Variants in LCN2 observed in about 807,000 individuals in gnomAD.
LCN2 encodes the protein neutrophil gelatinase-associated lipocalin.
LCN2 carries 27 observed loss-of-function variants against 26.4 expected under a neutral mutation model. The observed-to-expected ratio is 1.02, with a 90% CI of 0.76 to 1.41. The LOEUF (loss-of-function observed/expected upper bound fraction) is 1.41. LCN2 is among the 40% of genes most tolerant of loss of function. The pLI, the probability that LCN2 is intolerant of heterozygous loss-of-function variation, is 0.00. For synonymous variants in LCN2, 94 were observed against 98.9 expected (o/e 0.95, Z 0.30); for missense variants, 224 against 237.6 (o/e 0.94, Z 0.38).
chr9:128,152,439 C>T, intron 5 of LCN2, 155 bp downstream of exon 5: 4 of 662,958 alleles, frequency 6.0e-6, no homozygotes, highest in Non-Finnish European at 1.0e-5. Context: ...ACTCTGGGCC[C>T]AGGAAGACTG....
In LCN2 at chr9:128,153,453, G is replaced by C. The variant is rs1829161165; in HGVS notation, c.*150G>C. On this transcript the variant is annotated 3_prime_UTR_variant, in exon 7 of 7. Transcript: ENST00000277480. The surrounding 1 kb of genome is among the most constrained non-coding windows in gnomAD (Gnocchi z 5.4). ...CTGCTAAATAAACATGTGCCCTCAG[G>C]CCTCTGAGTCTACACTGTTTGACCC... 4.4e-6 allele frequency: 2 copies of C among 457,566 alleles called. No homozygotes were observed. The highest frequency in any genetic ancestry group is 6.9e-5 in the Admixed American group (2 of 29,150). 28.3% of individuals were successfully genotyped at this position (457,566 alleles called of 1,614,324 possible). A position where few individuals can be genotyped will look rare whatever the true frequency, so the allele number is the denominator to read the frequency against.
chr9:128,153,222 C>T lies in LCN2; in HGVS notation c.*8-89C>T. 1 of 1,412,798 alleles carries T rather than the reference C, an allele frequency of 7.1e-7. No individual in the cohort carries two copies. The highest frequency in any genetic ancestry group is 1.0e-6 in the Non-Finnish European group (1 of 1,001,720). The allele number at this position is 1,412,798 out of a possible 1,614,324, so 87.5% of individuals were successfully genotyped here. ...CTGCCTTTGCTCATCCCCCTGCCCC[C>T]CAGCACTGCTGCTGTCTTTATTCTG... On this transcript the variant is annotated intron_variant, in intron 6 of 6. Coordinates refer to ENST00000277480, the MANE Select transcript of LCN2 (RefSeq NM_005564.5). The surrounding 1 kb of genome is among the most constrained non-coding windows in gnomAD (Gnocchi z 5.4).
In LCN2 at chr9:128,153,052, G is replaced by C. The variant is rs533569197; in HGVS notation, c.578-48G>C. 1.5e-5 allele frequency: 24 copies of C among 1,564,602 alleles called. No homozygotes were observed. Among genetic ancestry groups the C allele is most frequent in the Admixed American group, 5.1e-5 (3 of 58,386 alleles). On this transcript the variant is annotated intron_variant, in intron 5 of 6. Coordinates refer to ENST00000277480, the MANE Select transcript of LCN2 (RefSeq NM_005564.5). This position sits in a 1 kb window ranked among gnomAD's most constrained non-coding sequence, Gnocchi z 5.4. ...GGATCACACACACACACTCATACACGCACACACACACACAGCTGCCTGTTC... is the reference window on the plus strand; with the variant it reads ...GGATCACACACACACACTCATACACCCACACACACACACAGCTGCCTGTTC...
intron 2 of LCN2, 65 bp from the exon 3 acceptor site, chr9:128,151,573 G>C (rs1835006645): frequency 1.5e-6 from 2 of 1,321,786 alleles, no homozygotes; most frequent in Non-Finnish European, 2.2e-6. Context: ...GCCCCACCTT[G>C]TCCAGCACAG....
chr9:128,152,609 C>A (rs531686376), intron 5 of LCN2, among the ~76,000 whole-genome samples: 1 of 152,190 alleles, frequency 6.6e-6, no homozygotes, highest in African/African-American at 2.4e-5. Context: ...CCCTCCCAGG[C>A]CCCCTTGTTC....
chr9:128,153,393 C>T lies in LCN2; in HGVS notation c.*90C>T, dbSNP rs552018232. 1.8e-6 allele frequency: 1 copy of T among 563,122 alleles called. No homozygotes were observed. Among genetic ancestry groups the T allele is most frequent in the East Asian group, 3.0e-5 (1 of 33,308 alleles). The allele number at this position is 563,122 out of a possible 1,614,324, so 34.9% of individuals were successfully genotyped here. The stretch of plus-strand genomic sequence containing the variant: ...CCACAGTGCCACCCATGCAGCTGCT[C>T]CCCAGGCCACCCCGCTGATGGAGCC... On this transcript the variant is annotated 3_prime_UTR_variant, in exon 7 of 7. Coordinates refer to ENST00000277480, the MANE Select transcript of LCN2 (RefSeq NM_005564.5). This position sits in a 1 kb window ranked among gnomAD's most constrained non-coding sequence, Gnocchi z 5.4.
Position 128,149,515 on chromosome 9 carries a change from G to A in LCN2, c.-11G>A. On this transcript the variant is annotated 5_prime_UTR_variant, in exon 1 of 7. Transcript: ENST00000277480. The stretch of plus-strand genomic sequence containing the variant: ...AGCCACCACAGCGCCTGCTTCCTCG[G>A]CCCTGAAATCATGCCCCTAGGTCTC... 2 of 1,601,490 alleles carry A rather than the reference G, an allele frequency of 1.2e-6. No homozygotes were observed. Among genetic ancestry groups the A allele is most frequent in the East Asian group, 4.5e-5 (2 of 44,470 alleles).
At position 128,150,331 on chromosome 9, in the gene LCN2, C is replaced by T; in HGVS notation, c.232C>T (p.Leu78=). ...PQKMYATIYE[L]KEDKSYNVTS... ...AAAGATGTATGCCACCATCTATGAG[C>T]TGAAAGAAGACAAGAGCTACAATGT... Residue 78 remains leucine (L), a synonymous_variant, in exon 2 of 7, where the codon CTG becomes TTG. Transcript: ENST00000277480. 5.0e-6 allele frequency: 8 copies of T among 1,614,160 alleles called. No homozygotes were observed. Among genetic ancestry groups the T allele is most frequent in the Non-Finnish European group, 6.8e-6 (8 of 1,180,034 alleles).
intron 5 of LCN2, 57 bp downstream of exon 5, chr9:128,152,341 T>C (rs768570643): frequency 8.8e-6 from 13 of 1,472,318 alleles, no homozygotes; most frequent in Non-Finnish European, 1.0e-5. Flanking sequence ...GGCAGGATGC[T>C]TCCCTACCAG....
chr9:128,150,487 T>C (rs1370618676), intron 2 of LCN2, 113 bp downstream of exon 2: 5 of 1,374,288 alleles, frequency 3.6e-6, no homozygotes, highest in Non-Finnish European at 5.2e-6. Context: ...GGAATTCATC[T>C]GTGTTCATCC....
Position 128,153,248 on chromosome 9 carries a change from C to A in LCN2, c.*8-63C>A. The A allele has an allele frequency of 8.4e-7, 1 of 1,197,560 alleles. No individual in the cohort carries two copies. The highest frequency in any genetic ancestry group is 1.2e-6 in the Non-Finnish European group (1 of 812,722). The allele number at this position is 1,197,560 out of a possible 1,614,324, so 74.2% of individuals were successfully genotyped here. On this transcript the variant is annotated intron_variant, in intron 6 of 6. Transcript: ENST00000277480. This position sits in a 1 kb window ranked among gnomAD's most constrained non-coding sequence, Gnocchi z 5.4. ...CAGCACTGCTGCTGTCTTTATTCTG[C>A]TGTCCCCATCTCGGGTGCCTCCCAT...
In LCN2 at chr9:128,151,331, G is replaced by A. The variant is rs550354094; in HGVS notation, c.276-307G>A. ...GGTTTCTGTGTGTTGGGTGGCGGGG[G>A]GGGTGAAAGCCACCCAGGGAGGCAG... On this transcript the variant is annotated intron_variant, in intron 2 of 6. Coordinates refer to ENST00000277480, the MANE Select transcript of LCN2 (RefSeq NM_005564.5). 7.1e-5 allele frequency: 40 copies of A among 564,092 alleles called. 1 individual carries two copies. The Admixed American group carries it at 9.2e-4, about 13-fold the overall frequency. 34.9% of individuals were successfully genotyped at this position (564,092 alleles called of 1,614,324 possible). A position where few individuals can be genotyped will look rare whatever the true frequency, so the allele number is the denominator to read the frequency against.
intron 2 of LCN2, chr9:128,151,408 GC>G: frequency 1.6e-6 from 1 of 607,974 alleles, no homozygotes; most frequent in South Asian, 2.0e-5. Context: ...GGGTCCAGGG[GC>G]CCCAGGCAGG....
At chr9:128,152,815 A>G (rs1829152253) in intron 5 of LCN2, among the ~76,000 whole-genome samples, 1 of 152,172 alleles carries the variant, frequency 6.6e-6, no homozygotes, top group African/African-American at 2.4e-5. Context: ...GACTGCCTGG[A>G]CTGGTAAACA....
chr9:128,152,059 C>A (rs758683466), intron 4 of LCN2, 34 bp downstream of exon 4: 35 of 1,613,562 alleles, frequency 2.2e-5, no homozygotes, highest in Non-Finnish European at 2.8e-5. Flanking sequence ...GGGACTGGCT[C>A]CTGATCACAC....
chr9:128,151,326 C>T (rs924313915), intron 2 of LCN2: 27 of 553,372 alleles, frequency 4.9e-5, no homozygotes, highest in Admixed American at 6.5e-5. Context: ...TGTTGGGTGG[C>T]GGGGGGGGTG....
At position 128,152,277 on chromosome 9, in the gene LCN2, C is replaced by G. The variant is rs1184505564; in HGVS notation, c.570C>G (p.Val190=). The part of the protein sequence containing the change: ...GLPENHIVFP[V]PIDQCIDG ...CTGAAAACCACATCGTCTTCCCTGTCCCAATCGGTAATGGCCAGTCTGGAT... is the reference window on the plus strand; with the variant it reads ...CTGAAAACCACATCGTCTTCCCTGTGCCAATCGGTAATGGCCAGTCTGGAT... Residue 190 remains valine, a synonymous_variant, in exon 5 of 7, where the codon GTC becomes GTG. Coordinates refer to ENST00000277480, the MANE Select transcript of LCN2 (RefSeq NM_005564.5). 1.1e-5 allele frequency: 17 copies of G among 1,613,688 alleles called. No homozygotes were observed. The highest frequency in any genetic ancestry group is 1.4e-5 in the Non-Finnish European group (17 of 1,179,848).
chr9:128,151,023 C>T (rs893788125), intron 2 of LCN2, among the ~76,000 whole-genome samples: 1 of 152,172 alleles, frequency 6.6e-6, no homozygotes, highest in Non-Finnish European at 1.5e-5. Flanking sequence ...GGTGAAGAGG[C>T]AGGGAGCCAG....
chr9:128,150,579 G>C (rs778730066), intron 2 of LCN2: 1 of 728,962 alleles, frequency 1.4e-6, no homozygotes, highest in Non-Finnish European at 2.4e-6. Flanking sequence ...ATGCACAGTC[G>C]TTAGAAAACA....
Sources: allele counts gnomAD v4.1 joint callset (sites outside exome capture counted in the v4.1 genomes callset), GRCh38; gene constraint gnomAD v4.1.1; non-coding constraint Gnocchi (gnomAD v3.1); transcripts MANE v1.5; gene names NCBI Gene and HGNC (gene_info 2026-07-23, HGNC 2026-07-21).